MACROD2: variants seen among roughly 807,000 people sequenced by gnomAD.
MACROD2 encodes ADP-ribose glycohydrolase MACROD2.
MACROD2 carries 36 observed loss-of-function variants against 70.4 expected under a neutral mutation model. The observed-to-expected ratio is 0.51, with a 90% CI of 0.39 to 0.68. The LOEUF (loss-of-function observed/expected upper bound fraction) is 0.68, where lower values mean the gene tolerates loss of function less well. Ranked by LOEUF, MACROD2 falls within the 30% of genes least tolerant of loss-of-function variation. The pLI is 0.00. For synonymous variants in MACROD2, 172 were observed against 178.8 expected, an observed-to-expected ratio of 0.96 and a Z score of 0.30; for missense variants, 496 against 538.4, an observed-to-expected ratio of 0.92 and a Z score of 0.78.
intron 8 of MACROD2, among the ~76,000 whole-genome samples, chr20:15,776,924 A>T (rs1201742238): frequency 6.6e-6 from 1 of 152,208 alleles, no homozygotes; most frequent in Non-Finnish European, 1.5e-5. Flanking sequence ...AGTACTTAGC[A>T]TTGCATTGCT....
At chr20:15,259,490 T>C (rs1488544095) in intron 6 of MACROD2, among the ~76,000 whole-genome samples, 1 of 152,036 alleles carries the variant, frequency 6.6e-6, no homozygotes, top group Admixed American at 6.6e-5. Context: ...ACTTTATACT[T>C]TGCTGCATTT....
chr20:14,130,514 A>AGAGT (rs1462110511), intron 3 of MACROD2, among the ~76,000 whole-genome samples: 3 of 152,190 alleles, frequency 2.0e-5, no homozygotes, highest in Non-Finnish European at 1.5e-5. Context: ...ACTGCACTCC[A>AGAGT]GCCTAGGCAA....
chr20:15,207,014 G>T (rs921768150), intron 5 of MACROD2, among the ~76,000 whole-genome samples: 1 of 152,026 alleles, frequency 6.6e-6, no homozygotes, highest in Non-Finnish European at 1.5e-5. Context: ...GGGATTACAG[G>T]CGTGAGCCAC....
At chr20:14,147,723 T>C (rs1569179583) in intron 3 of MACROD2, among the ~76,000 whole-genome samples, 1 of 152,184 alleles carries the variant, frequency 6.6e-6, no homozygotes, top group African/African-American at 2.4e-5. Context: ...GGACAGACTT[T>C]CCATGCTCGA....
intron 6 of MACROD2, among the ~76,000 whole-genome samples, chr20:15,269,260 C>A (rs928038714): frequency 6.6e-6 from 1 of 152,220 alleles, no homozygotes; most frequent in Non-Finnish European, 1.5e-5. Flanking sequence ...GTTAAGCATG[C>A]ATGGCCAGGC....
At chr20:15,155,239 G>T (rs1390003286) in intron 5 of MACROD2, among the ~76,000 whole-genome samples, 1 of 150,138 alleles carries the variant, frequency 6.7e-6, no homozygotes, top group Non-Finnish European at 1.5e-5. Context: ...TGATCTTGTG[G>T]GCACCCCTCT....
At chr20:15,120,176 C>T (rs190321256) in intron 5 of MACROD2, among the ~76,000 whole-genome samples, 14 of 152,254 alleles carry the variant, frequency 9.2e-5, no homozygotes, top group East Asian at 1.9e-4. Flanking sequence ...TAGCATGATT[C>T]GTTGTCACCA....
At chr20:14,833,981 A>G (rs2073000249) in intron 5 of MACROD2, among the ~76,000 whole-genome samples, 1 of 152,128 alleles carries the variant, frequency 6.6e-6, no homozygotes, top group Admixed American at 6.6e-5. Context: ...ATGAATATTT[A>G]CATTTTAAAA....
chr20:15,230,695 C>T (rs2076952587), intron 6 of MACROD2, among the ~76,000 whole-genome samples: 1 of 152,048 alleles, frequency 6.6e-6, no homozygotes, highest in Non-Finnish European at 1.5e-5. Flanking sequence ...TGGATCTAAT[C>T]TATTTCCTTA....
At chr20:15,511,732 A>G (rs1035370833) in intron 8 of MACROD2, among the ~76,000 whole-genome samples, 8 of 152,188 alleles carry the variant, frequency 5.3e-5, no homozygotes, top group African/African-American at 1.9e-4. Flanking sequence ...TTACCTACTG[A>G]AGTACTCCCC....
intron 15 of MACROD2, among the ~76,000 whole-genome samples, chr20:16,030,572 C>T (rs761088990): frequency 6.6e-6 from 1 of 152,170 alleles, no homozygotes; most frequent in African/African-American, 2.4e-5. Context: ...TCCAAATTCC[C>T]TGCAATGACC....
chr20:15,222,326 A>G (rs2076869304), intron 5 of MACROD2, among the ~76,000 whole-genome samples: 1 of 152,214 alleles, frequency 6.6e-6, no homozygotes, highest in South Asian at 2.1e-4. Context: ...TAATAAAAAC[A>G]AACTTCGAAA....
At chr20:14,196,166 AG>A (rs1031636565) in intron 3 of MACROD2, among the ~76,000 whole-genome samples, 58 of 152,146 alleles carry the variant, frequency 3.8e-4, no homozygotes, top group Non-Finnish European at 1.2e-4. Flanking sequence ...GAGGGGGACA[AG>A]GGAGTTTTTC....
chr20:14,824,698 T>C (rs753083356), intron 5 of MACROD2, among the ~76,000 whole-genome samples: 3 of 152,028 alleles, frequency 2.0e-5, no homozygotes, highest in Non-Finnish European at 4.4e-5. Flanking sequence ...TGCAAGTACT[T>C]ATCCAGTTTT....
At chr20:15,722,228 G>A (rs1255025345) in intron 8 of MACROD2, among the ~76,000 whole-genome samples, 1 of 152,146 alleles carries the variant, frequency 6.6e-6, no homozygotes, top group Admixed American at 6.6e-5. Context: ...TAGAGAATAT[G>A]TGCAAAGTTT....
chr20:14,440,986 C>G (rs2084115577), intron 3 of MACROD2, among the ~76,000 whole-genome samples: 1 of 152,184 alleles, frequency 6.6e-6, no homozygotes, highest in East Asian at 1.9e-4. Flanking sequence ...TACCTTTGGA[C>G]AGGACACAAC....
intron 3 of MACROD2, among the ~76,000 whole-genome samples, chr20:14,109,845 C>G (rs1033964661): frequency 5.9e-5 from 9 of 151,578 alleles, no homozygotes; most frequent in Non-Finnish European, 1.2e-4. Flanking sequence ...ACCAATCCTA[C>G]TCAAACTCTT....
At chr20:14,589,669 T>C (rs1433448522) in intron 4 of MACROD2, among the ~76,000 whole-genome samples, 1 of 152,188 alleles carries the variant, frequency 6.6e-6, no homozygotes, top group African/African-American at 2.4e-5. Context: ...GACATTATAT[T>C]GTTGGTTTTC....
chr20:15,166,809 A>G lies in MACROD2; in HGVS notation c.419-63131A>G, dbSNP rs1183238869. ...ATTATGATGTGGGTCTTAGCTAGCAAATAATTTCAAGAAACAGAAATGAAG... is the reference window on the plus strand; with the variant it reads ...ATTATGATGTGGGTCTTAGCTAGCAGATAATTTCAAGAAACAGAAATGAAG... On this transcript the variant is annotated intron_variant, in intron 5 of 17. Transcript: ENST00000684519. Among the ~76,000 whole-genome samples, 3 of 151,690 alleles carry G rather than the reference A, an allele frequency of 2.0e-5. No homozygotes were observed. In the East Asian group the frequency reaches 5.8e-4, roughly 29 times the overall value.
Sources: allele counts gnomAD v4.1 joint callset (sites outside exome capture counted in the v4.1 genomes callset), GRCh38; gene constraint gnomAD v4.1.1; transcripts MANE v1.5; gene names NCBI Gene and HGNC (gene_info 2026-07-23, HGNC 2026-07-21).